The following OSBPL3 variants were observed in gnomAD, a reference collection of about 807,000 sequenced individuals.
OSBPL3 encodes the protein oxysterol binding protein like 3.
OSBPL3 carries 65 observed loss-of-function variants against 120.1 expected under a neutral mutation model. That is an observed-to-expected ratio of 0.54 (90% CI 0.44 to 0.67). The LOEUF (loss-of-function observed/expected upper bound fraction) is 0.67. Among genes scored for constraint, OSBPL3 ranks in the 30% least tolerant of loss-of-function variants. The pLI, the probability that OSBPL3 is intolerant of heterozygous loss-of-function variation, is 0.00. For missense variants in OSBPL3, 1,004 were observed against 1,082.1 expected, an observed-to-expected ratio of 0.93 and a Z score of 1.01; for synonymous variants, 416 against 402.6, an observed-to-expected ratio of 1.03 and a Z score of -0.40.
chr7:24,800,381 A>C, intron 22 of OSBPL3, 102 bp from the exon 23 acceptor site: 2 of 633,118 alleles, frequency 3.2e-6, no homozygotes, highest in South Asian at 1.7e-5. Flanking sequence ...CCTCATTCCC[A>C]CATGCATTCA....
chr7:24,981,547 G>C (rs1818361059), upstream of OSBPL3: 1 of 152,514 alleles, frequency 6.6e-6, no homozygotes, highest in Non-Finnish European at 1.5e-5. The surrounding 1 kb of genome is among the most constrained non-coding windows in gnomAD (Gnocchi z 7.3). Context: ...CAAGGTTTCT[G>C]AGACTCTTTC....
chr7:24,976,013 G>C (rs186905504), intron 1 of OSBPL3, among the ~76,000 whole-genome samples: 1 of 152,334 alleles, frequency 6.6e-6, no homozygotes, highest in East Asian at 1.9e-4. Flanking sequence ...CCAAAGCTGA[G>C]CCCAGTCTGC....
intron 1 of OSBPL3, among the ~76,000 whole-genome samples, chr7:24,911,887 T>TA (rs1808874055): frequency 6.6e-6 from 1 of 152,142 alleles, no homozygotes; most frequent in South Asian, 2.1e-4. Flanking sequence ...AAACAGGTTT[T>TA]AAAAAGGTGG....
At chr7:24,917,278 G>A (rs1809700559) in intron 1 of OSBPL3, among the ~76,000 whole-genome samples, 1 of 151,552 alleles carries the variant, frequency 6.6e-6, no homozygotes, top group Non-Finnish European at 1.5e-5. Context: ...GAATTTTCAA[G>A]TTCACTATAT....
At position 24,867,655 on chromosome 7, in the gene OSBPL3, T is replaced by C. The variant is rs997454199; in HGVS notation, c.382-1418A>G. Among the ~76,000 whole-genome samples the C allele has an allele frequency of 1.3e-5, 2 of 152,222 alleles. No individual in the cohort carries two copies. Among genetic ancestry groups the C allele is most frequent in the Non-Finnish European group, 2.9e-5 (2 of 68,026 alleles). On this transcript the variant is annotated intron_variant, in intron 5 of 22. Transcript: ENST00000313367. This position sits in a 1 kb window ranked among gnomAD's most constrained non-coding sequence, Gnocchi z 4.5. ...CATGACTGTGAGACCTCCCCAGCCA[T>C]GTGGAACTGTAAGTCTATTAAACCT...
intron 1 of OSBPL3, among the ~76,000 whole-genome samples, chr7:24,973,264 A>G (rs985753325): frequency 1.3e-5 from 2 of 152,236 alleles, no homozygotes; most frequent in African/African-American, 2.4e-5. Flanking sequence ...TATTTTTTTC[A>G]TAAGTAAACA....
At chr7:24,890,801 A>T (rs1289416907) in intron 2 of OSBPL3, among the ~76,000 whole-genome samples, 2 of 152,182 alleles carry the variant, frequency 1.3e-5, no homozygotes, top group Non-Finnish European at 2.9e-5. Flanking sequence ...AGTCAGAAAA[A>T]AGTTGAGGCA....
intron 1 of OSBPL3, among the ~76,000 whole-genome samples, chr7:24,970,095 C>T (rs997086003): frequency 2.7e-5 from 4 of 146,886 alleles, no homozygotes; most frequent in Admixed American, 1.4e-4. Context: ...CCTTTCCCTT[C>T]GTCCCTTTCT....
chr7:24,890,034 G>A (rs1163643670), intron 2 of OSBPL3, among the ~76,000 whole-genome samples: 1 of 152,152 alleles, frequency 6.6e-6, no homozygotes, highest in African/African-American at 2.4e-5. Flanking sequence ...CAGGGTGAGC[G>A]CAGAGAAAGA....
At chr7:24,801,963 G>T (rs1792415307) in intron 22 of OSBPL3, among the ~76,000 whole-genome samples, 1 of 152,214 alleles carries the variant, frequency 6.6e-6, no homozygotes, top group Non-Finnish European at 1.5e-5. Flanking sequence ...ATGTTATTTT[G>T]TATGTGTGTG....
intron 1 of OSBPL3, among the ~76,000 whole-genome samples, chr7:24,958,559 AC>A (rs1815347764): frequency 6.6e-6 from 1 of 151,984 alleles, no homozygotes; most frequent in Non-Finnish European, 1.5e-5. Context: ...GTGTTCCTGT[AC>A]TCCTCTCATA....
intron 12 of OSBPL3, among the ~76,000 whole-genome samples, chr7:24,844,362 G>T (rs1798140145): frequency 6.7e-6 from 1 of 149,744 alleles, no homozygotes; most frequent in Non-Finnish European, 1.5e-5. Flanking sequence ...AAAATATTAT[G>T]AGATTTTTTT....
intron 1 of OSBPL3, among the ~76,000 whole-genome samples, chr7:24,931,439 G>A (rs1450132483): frequency 2.0e-5 from 3 of 152,114 alleles, no homozygotes; most frequent in Admixed American, 1.3e-4. Flanking sequence ...AACCACAAGG[G>A]TCCTTATAAG....
At chr7:24,836,236 T>C (rs544416116) in intron 14 of OSBPL3, among the ~76,000 whole-genome samples, 1 of 152,302 alleles carries the variant, frequency 6.6e-6, no homozygotes, top group South Asian at 2.1e-4. Flanking sequence ...AACTTCCCCA[T>C]TTATCGGCAG....
intron 2 of OSBPL3, among the ~76,000 whole-genome samples, chr7:24,876,231 A>T (rs1389071012): frequency 6.6e-6 from 1 of 152,130 alleles, no homozygotes; most frequent in African/African-American, 2.4e-5. Flanking sequence ...CGATTTACTT[A>T]TATTTTGGCC....
chr7:24,932,220 C>A lies in OSBPL3; in HGVS notation c.-149-39599G>T, dbSNP rs1811873517. 6.6e-6 allele frequency among the ~76,000 whole-genome samples: 1 copy of A among 152,174 alleles called. No individual in the cohort carries two copies. Among genetic ancestry groups the A allele is most frequent in the Non-Finnish European group, 1.5e-5 (1 of 68,034 alleles). On this transcript the variant is annotated intron_variant, in intron 1 of 22. Coordinates refer to ENST00000313367, the MANE Select transcript of OSBPL3 (RefSeq NM_015550.4). This position sits in a 1 kb window ranked among gnomAD's most constrained non-coding sequence, Gnocchi z 5.6. ...TTCGGCAACTGAGGCTTAACAAGGT[C>A]ATATTTGTCCACCATCACTGGAATT...
At position 24,806,477 on chromosome 7, in the gene OSBPL3, T is replaced by C. The variant is rs1249304939; in HGVS notation, c.2444+299A>G. ...GGCTCGGGGAGCTGGAGGTTTTAACTTACTTACTTTACACTAAGTTCTTTA... is the reference window on the plus strand; with the variant it reads ...GGCTCGGGGAGCTGGAGGTTTTAACCTACTTACTTTACACTAAGTTCTTTA... On this transcript the variant is annotated intron_variant, in intron 21 of 22. Transcript: ENST00000313367. This position sits in a 1 kb window ranked among gnomAD's most constrained non-coding sequence, Gnocchi z 5.2. Among the ~76,000 whole-genome samples the C allele has an allele frequency of 1.3e-5, 2 of 152,228 alleles. No individual in the cohort carries two copies. The highest frequency in any genetic ancestry group is 4.1e-4 in the South Asian group (2 of 4,830).
Position 24,852,392 on chromosome 7 carries a change from G to T in OSBPL3, c.1158+112C>A, listed in dbSNP as rs1393758263. On this transcript the variant is annotated intron_variant, in intron 11 of 22. Transcript: ENST00000313367. The surrounding 1 kb of genome is among the most constrained non-coding windows in gnomAD (Gnocchi z 4.1). Reference sequence around the variant, plus strand: ...TGATGAAAGGTTAGAATATAATTTGGATAATTTGGTTTTCTCCTGAATTTT... The same window carrying T: ...TGATGAAAGGTTAGAATATAATTTGTATAATTTGGTTTTCTCCTGAATTTT... 1.8e-5 allele frequency: 16 copies of T among 911,772 alleles called. No individual in the cohort carries two copies. Among genetic ancestry groups the T allele is most frequent in the Non-Finnish European group, 2.5e-5 (16 of 647,232 alleles). The allele number at this position is 911,772 out of a possible 1,614,324, so 56.5% of individuals were successfully genotyped here.
intron 2 of OSBPL3, among the ~76,000 whole-genome samples, chr7:24,887,166 G>A (rs1804646286): frequency 6.6e-6 from 1 of 152,164 alleles, no homozygotes; most frequent in Admixed American, 6.5e-5. Flanking sequence ...AAGGAATAGT[G>A]GAGCCAAAAC....
Sources: gnomAD v4.1 joint callset for allele counts (sites outside exome capture counted in the v4.1 genomes callset) on GRCh38, gnomAD v4.1.1 for gene constraint, Gnocchi (gnomAD v3.1) non-coding constraint, MANE v1.5 for transcripts, NCBI Gene and HGNC (gene_info 2026-07-23, HGNC 2026-07-21) for gene names.